PAPLN: variants seen among roughly 807,000 people sequenced by gnomAD.
The protein encoded by PAPLN is papilin, proteoglycan like sulfated glycoprotein.
In PAPLN, 146 loss-of-function variants were observed where a neutral mutation model predicts 159.0. The observed-to-expected ratio is 0.92, with a 90% CI of 0.80 to 1.05. The LOEUF is 1.05. Ranked by LOEUF, PAPLN falls within the 50% of genes least tolerant of loss-of-function variation. The pLI, the probability that PAPLN is intolerant of heterozygous loss-of-function variation, is 0.00. For missense variants in PAPLN, 1,720 were observed against 1,743.9 expected, an observed-to-expected ratio of 0.99 and a Z score of 0.24; for synonymous variants, 734 against 702.9, an observed-to-expected ratio of 1.04 and a Z score of -0.70.
chr14:73,249,875 C>T (rs1435188389), intron 5 of PAPLN, 109 bp from the exon 6 acceptor site: 3 of 1,312,232 alleles, frequency 2.3e-6, no homozygotes, highest in Non-Finnish European at 3.0e-6. Flanking sequence ...GCGGGGCCTG[C>T]TGCAGGGCTT....
rs1886951090 is a variant in PAPLN at position 73,264,152 on chromosome 14, A to G, written c.2862-59A>G. 1.1e-5 allele frequency: 17 copies of G among 1,607,500 alleles called. No individual in the cohort carries two copies. The East Asian group carries it at 3.8e-4, about 36-fold the overall frequency. ...TGGCACGAGCACCGAGGCGGAGGGA[A>G]GACTCACTGTTGCCCTTGGGAGCCC... On this transcript the variant is annotated intron_variant, in intron 20 of 26. Transcript: ENST00000644200.
At chr14:73,266,406 T>C (rs1887215006) in intron 23 of PAPLN, 95 bp from the exon 24 acceptor site, 3 of 1,463,438 alleles carry the variant, frequency 2.0e-6, no homozygotes, top group Admixed American at 4.4e-5. Context: ...CTAGAAGACC[T>C]TGTGTTCCCT....
Position 73,251,707 on chromosome 14 carries a change from G to A in PAPLN, c.714G>A (p.Trp238Ter), listed in dbSNP as rs1330734427. ...GGGAATACTACCTCAATGGGCACTG[G>A]ACCATCGAGGCGGCCCGGGCCCTGC... ...VRGEYYLNGH[W>*]TIEAARALPA... The change falls in exon 9 of 27, where the codon TGG becomes TGA. Residue 238 changes from tryptophan to a stop codon, truncating the protein, a stop_gained. Coordinates refer to ENST00000644200, the MANE Select transcript of PAPLN (RefSeq NM_001365906.3). LOFTEE classifies it high-confidence loss of function. 8 of 1,613,264 alleles carry A rather than the reference G, an allele frequency of 5.0e-6. No homozygotes were observed. Among genetic ancestry groups the A allele is most frequent in the Non-Finnish European group, 6.8e-6 (8 of 1,180,018 alleles).
Position 73,252,764 on chromosome 14 carries a change from G to T in PAPLN, c.1083G>T (p.Pro361=), listed in dbSNP as rs142604802. 8 of 1,613,302 alleles carry T rather than the reference G, an allele frequency of 5.0e-6. No individual in the cohort carries two copies. The highest frequency in any genetic ancestry group is 6.8e-6 in the Non-Finnish European group (8 of 1,179,992). The change falls in exon 11 of 27, where the codon CCG becomes CCT. Residue 361 remains proline (P), a synonymous_variant. Transcript: ENST00000644200. ...GTTCCTGCAATCTTCACCCTTGCCC[G>T]GAGACCAAGCGGTGAGACCTTGCCA... is the stretch of plus-strand genomic sequence containing the variant. ...DRRSCNLHPC[P]ETKRWKAGPW...
At position 73,245,957 on chromosome 14, in the gene PAPLN, G is replaced by A; in HGVS notation, c.232-116G>A. ...CCGGGGGGCGGACTCCACCTCCGGC[G>A]GCTCCGATGGGGCAGGCAAGGGAGA... is the stretch of plus-strand genomic sequence containing the variant. On this transcript the variant is annotated intron_variant, in intron 4 of 26. Coordinates refer to ENST00000644200, the MANE Select transcript of PAPLN (RefSeq NM_001365906.3). This position sits in a 1 kb window ranked among gnomAD's most constrained non-coding sequence, Gnocchi z 4.2. The A allele has an allele frequency of 4.6e-6, 5 of 1,088,904 alleles. No homozygotes were observed. The highest frequency in any genetic ancestry group is 6.4e-6 in the Non-Finnish European group (5 of 787,242). The allele number at this position is 1,088,904 out of a possible 1,614,324, so 67.5% of individuals were successfully genotyped here. A position where few individuals can be genotyped will look rare whatever the true frequency, so the allele number is the denominator to read the frequency against.
rs369082075 is a variant in PAPLN, at chr14:73,254,936, G to A, written c.1545G>A (p.Pro515=). The A allele has an allele frequency of 4.4e-5, 71 of 1,613,150 alleles. No individual in the cohort carries two copies. Among genetic ancestry groups the A allele is most frequent in the East Asian group, 1.1e-4 (5 of 44,880 alleles). The change falls in exon 14 of 27, where the codon CCG becomes CCA. Residue 515 remains proline, a synonymous_variant. Coordinates refer to ENST00000644200, the MANE Select transcript of PAPLN (RefSeq NM_001365906.3). ...GACAGGTCATCTGTGCCATTGGGCC[G>A]CCCAGCCACTGCGGGAGCCTGCAGC... ...RRRQVICAIG[P]PSHCGSLQHS...
rs1357077918 is a variant in PAPLN at position 73,265,404 on chromosome 14, G to A, written c.3160G>A (p.Asp1054Asn). ...RLDQNQPRVV[D>N]ASPGQRIRMT... The stretch of plus-strand genomic sequence containing the variant: ...GGACCAGAACCAGCCCCGGGTGGTG[G>A]ATGCCAGTCCAGGCCAGCGGATCCG... The change falls in exon 23 of 27, where the codon GAT becomes AAT. Residue 1054 changes from aspartate (D) to asparagine (N), a missense_variant. Physicochemically the swap from Asp to Asn is conservative, Grantham distance 23. Transcript: ENST00000644200. This position sits in a 1 kb window ranked among gnomAD's most constrained non-coding sequence, Gnocchi z 4.1. 1.2e-6 allele frequency: 2 copies of A among 1,612,020 alleles called. No homozygotes were observed. The highest frequency in any genetic ancestry group is 1.7e-6 in the Non-Finnish European group (2 of 1,180,002).
chr14:73,253,316 G>A (rs940955150), intron 11 of PAPLN: 29 of 1,213,852 alleles, frequency 2.4e-5, no homozygotes, highest in African/African-American at 2.1e-4. Flanking sequence ...GGATGGTGGC[G>A]GACTTGGCTT....
chr14:73,255,832 A>C (rs1012954245), intron 14 of PAPLN, among the ~76,000 whole-genome samples: 1 of 152,196 alleles, frequency 6.6e-6, no homozygotes, highest in Admixed American at 6.5e-5. Context: ...CAGAGTCAAC[A>C]GCAGGCTTGG....
intron 1 of PAPLN, among the ~76,000 whole-genome samples, chr14:73,238,589 G>T (rs1421021334): frequency 6.6e-6 from 1 of 152,226 alleles, no homozygotes; most frequent in East Asian, 1.9e-4. Flanking sequence ...GCCCTAGCAG[G>T]CCTAGCCTGG....
Position 73,264,200 on chromosome 14 carries a change from A to G in PAPLN, c.2862-11A>G, listed in dbSNP as rs779201287. On this transcript the variant is annotated splice_polypyrimidine_tract_variant and intron_variant, in intron 20 of 26. Transcript: ENST00000644200. The stretch of plus-strand genomic sequence containing the variant: ...CCCAGAGCTCATGTCCTCCCACACC[A>G]CCCCACTCAGGCACAGGCTGCAGTT... 2 of 1,613,010 alleles carry G rather than the reference A, an allele frequency of 1.2e-6. No individual in the cohort carries two copies. The highest frequency in any genetic ancestry group is 1.1e-5 in the South Asian group (1 of 91,044).
At position 73,246,036 on chromosome 14, in the gene PAPLN, C is replaced by T. The variant is rs1043494767; in HGVS notation, c.232-37C>T. ...CGGGAGGTGGGCGGACCTCGGACTC[C>T]GCCCTCCTGGATCCCGACTTCCCCT... On this transcript the variant is annotated intron_variant, in intron 4 of 26. Coordinates refer to ENST00000644200, the MANE Select transcript of PAPLN (RefSeq NM_001365906.3). The T allele has an allele frequency of 1.2e-5, 18 of 1,507,618 alleles. No individual in the cohort carries two copies. The Middle Eastern group carries it at 6.3e-4, about 53-fold the overall frequency. The allele number at this position is 1,507,618 out of a possible 1,614,324, so 93.4% of individuals were successfully genotyped here.
intron 23 of PAPLN, among the ~76,000 whole-genome samples, chr14:73,266,074 C>T (rs1294197730): frequency 6.6e-6 from 1 of 152,178 alleles, no homozygotes; most frequent in African/African-American, 2.4e-5. Flanking sequence ...CGCAGTGGCT[C>T]ACGCCTGTAA....
At chr14:73,240,707 T>C (rs537531678) in intron 2 of PAPLN, among the ~76,000 whole-genome samples, 71 of 152,242 alleles carry the variant, frequency 4.7e-4, no homozygotes, top group African/African-American at 1.6e-3. Flanking sequence ...AGAGCTGCTG[T>C]TTCATTAACA....
Position 73,251,036 on chromosome 14 carries a change from G to A in PAPLN, c.589+6G>A, listed in dbSNP as rs373480616. 3.1e-6 allele frequency: 5 copies of A among 1,608,164 alleles called. No homozygotes were observed. The highest frequency in any genetic ancestry group is 1.6e-4 in the Middle Eastern group (1 of 6,062). On this transcript the variant is annotated splice_donor_region_variant and intron_variant, in intron 7 of 26. Transcript: ENST00000644200. ...CGCTAATGACCTCAGCCGAGGTGGG[G>A]GTGGTTCCGACAAGGGGCAGTTGCC... is the stretch of plus-strand genomic sequence containing the variant.
At chr14:73,254,808 C>G (rs1885709088) in intron 13 of PAPLN, 69 bp from the exon 14 acceptor site, 1 of 1,595,966 alleles carries the variant, frequency 6.3e-7, no homozygotes, top group Non-Finnish European at 8.5e-7. Context: ...TCCCCTGCCT[C>G]TCTCCATGTG....
chr14:73,246,685 T>TGCA, intron 5 of PAPLN: 1 of 145,348 alleles, frequency 6.9e-6, no homozygotes, highest in East Asian at 2.0e-4. Flanking sequence ...CAGGCTTGAG[T>TGCA]GCAGCAGTGT....
rs748551245 is a variant in PAPLN, at chr14:73,254,858, T to A, written c.1486-19T>A. 1.9e-6 allele frequency: 3 copies of A among 1,609,156 alleles called. No homozygotes were observed. The highest frequency in any genetic ancestry group is 2.5e-6 in the Non-Finnish European group (3 of 1,179,588). On this transcript the variant is annotated intron_variant, in intron 13 of 26. Coordinates refer to ENST00000644200, the MANE Select transcript of PAPLN (RefSeq NM_001365906.3). ...GCCTCGCCCTCAGCATCTCTCTCTC[T>A]CCCACTCGTGGGCCTCAGTGCTCCA... is the stretch of plus-strand genomic sequence containing the variant.
In PAPLN at chr14:73,261,083, C is replaced by T. The variant is rs117714933; in HGVS notation, c.2107-73C>T. Reference sequence around the variant, plus strand: ...CTGGCCCCTCCTTCCTGCCATCCTCCCCGTGGCAGCCCAGAGTCCCCAACA... The same window carrying T: ...CTGGCCCCTCCTTCCTGCCATCCTCTCCGTGGCAGCCCAGAGTCCCCAACA... On this transcript the variant is annotated intron_variant, in intron 17 of 26. Transcript: ENST00000644200. 1.8e-3 allele frequency: 2,870 copies of T among 1,610,034 alleles called. 43 individuals are homozygous for T. The East Asian group carries it at 0.04, about 22-fold the overall frequency.
Sources: gnomAD v4.1 joint callset for allele counts (sites outside exome capture counted in the v4.1 genomes callset) on GRCh38, gnomAD v4.1.1 for gene constraint, Gnocchi (gnomAD v3.1) non-coding constraint, MANE v1.5 for transcripts, NCBI Gene and HGNC (gene_info 2026-07-23, HGNC 2026-07-21) for gene names.